The following PIWIL1 variants were observed in gnomAD, a reference collection of about 807,000 sequenced individuals.
The protein encoded by PIWIL1 is piwi like RNA-mediated gene silencing 1, also known as piwi-like protein 1.
Under a neutral mutation model 114.4 loss-of-function variants are expected in PIWIL1, and 73 were observed. That is an observed-to-expected ratio of 0.64 (90% CI 0.53 to 0.78). The LOEUF (loss-of-function observed/expected upper bound fraction) is 0.78. Among genes scored for constraint, PIWIL1 ranks in the 30% least tolerant of loss-of-function variants. The pLI, the probability that PIWIL1 is intolerant of heterozygous loss-of-function variation, is 0.00. For missense variants in PIWIL1, 723 were observed against 1,063.1 expected (o/e 0.68, Z 4.45); for synonymous variants, 375 against 369.0 (o/e 1.02, Z -0.19).
At chr12:130,399,464 G>A in the PIWIL1 span, among the ~76,000 whole-genome samples, 3 of 152,104 alleles carry the variant, frequency 2.0e-5, no homozygotes, top group Non-Finnish European at 4.4e-5. Flanking sequence ...CAGATTGATT[G>A]ATTAGAATTG....
chr12:130,390,818 C>T, the PIWIL1 span, among the ~76,000 whole-genome samples: 6 of 152,250 alleles, frequency 3.9e-5, no homozygotes, highest in East Asian at 1.9e-4. Context: ...GGGCTGTATG[C>T]GGCCCACCCA....
At chr12:130,384,532 C>T in the PIWIL1 span, among the ~76,000 whole-genome samples, 1 of 152,194 alleles carries the variant, frequency 6.6e-6, no homozygotes, top group Non-Finnish European at 1.5e-5. Flanking sequence ...GCAACAAGAA[C>T]ATGTTAATGA....
At chr12:130,392,358 C>A in the PIWIL1 span, among the ~76,000 whole-genome samples, 1 of 152,096 alleles carries the variant, frequency 6.6e-6, no homozygotes, top group Non-Finnish European at 1.5e-5. Context: ...GTTGTGATGA[C>A]CCGGTCACCG....
chr12:130,366,039 C>T (rs1231312223), intron 18 of PIWIL1, among the ~76,000 whole-genome samples: 1 of 152,200 alleles, frequency 6.6e-6, no homozygotes, highest in Non-Finnish European at 1.5e-5. Context: ...AAAACATCAG[C>T]AACATTGCCG....
At chr12:130,383,764 C>T in the PIWIL1 span, 1 of 152,198 alleles carries the variant, frequency 6.6e-6, no homozygotes, top group Admixed American at 6.5e-5. Flanking sequence ...TGTGGTGAGG[C>T]ATATTTGCTT....
intron 3 of PIWIL1, among the ~76,000 whole-genome samples, chr12:130,344,217 AAT>A (rs375277799): frequency 4.3e-4 from 65 of 152,308 alleles, no homozygotes; most frequent in African/African-American, 1.5e-3. Context: ...TTTAAGGAAA[AAT>A]ATCAGCCTTT....
At chr12:130,349,498 G>A in intron 8 of PIWIL1, 62 bp downstream of exon 8, 2 of 1,072,858 alleles carry the variant, frequency 1.9e-6, no homozygotes, top group East Asian at 2.5e-5. Context: ...TGGCTTTCTA[G>A]TTCTACCATG....
chr12:130,361,482 C>T lies in PIWIL1; in HGVS notation c.1867-16C>T. 3 of 1,613,028 alleles carry T rather than the reference C, an allele frequency of 1.9e-6. No homozygotes were observed. Among genetic ancestry groups the T allele is most frequent in the Non-Finnish European group, 2.5e-6 (3 of 1,179,106 alleles). The stretch of plus-strand genomic sequence containing the variant: ...GGTACTCCATTGTATCTAAAATTAC[C>T]ATATTTGTATTGAAGCTGAAGCTCG... On this transcript the variant is annotated splice_polypyrimidine_tract_variant and intron_variant, in intron 15 of 20. Transcript: ENST00000245255.
the PIWIL1 span, among the ~76,000 whole-genome samples, chr12:130,401,092 C>G: frequency 3.9e-5 from 6 of 152,038 alleles, no homozygotes; most frequent in Non-Finnish European, 8.8e-5. Context: ...CACTACTGAA[C>G]TATATACTTA....
chr12:130,369,226 C>G (rs2073753171), intron 19 of PIWIL1, among the ~76,000 whole-genome samples: 1 of 152,174 alleles, frequency 6.6e-6, no homozygotes, highest in South Asian at 2.1e-4. Flanking sequence ...AGAGCATGAT[C>G]TTGTTCCTTT....
At chr12:130,347,730 A>G (rs2073106119) in intron 6 of PIWIL1, among the ~76,000 whole-genome samples, 1 of 151,790 alleles carries the variant, frequency 6.6e-6, no homozygotes, top group Non-Finnish European at 1.5e-5. Flanking sequence ...AAAGGGCCAG[A>G]TAGTAAACAT....
downstream of PIWIL1, among the ~76,000 whole-genome samples, chr12:130,376,275 A>G (rs2073865507): frequency 1.3e-5 from 2 of 152,244 alleles, no homozygotes; most frequent in Admixed American, 1.3e-4. Context: ...GTTGATAATT[A>G]CCATATTAAA....
chr12:130,360,711 G>T (rs192406340), intron 14 of PIWIL1, among the ~76,000 whole-genome samples: 1 of 152,190 alleles, frequency 6.6e-6, no homozygotes, highest in Non-Finnish European at 1.5e-5. Context: ...GAGATCAGGC[G>T]CTCTGTTTTG....
chr12:130,357,344 T>C, intron 13 of PIWIL1, 137 bp from the exon 14 acceptor site: 1 of 694,110 alleles, frequency 1.4e-6, no homozygotes, highest in Admixed American at 2.8e-5. Context: ...AAACAGCCCT[T>C]GGCATGAATG....
intron 9 of PIWIL1, among the ~76,000 whole-genome samples, chr12:130,350,362 T>G (rs779606351): frequency 6.6e-6 from 1 of 152,204 alleles, no homozygotes; most frequent in Non-Finnish European, 1.5e-5. Flanking sequence ...TCTTTGAACC[T>G]TCAGTATCAT....
chr12:130,381,669 G>T, the PIWIL1 span, among the ~76,000 whole-genome samples: 1 of 152,126 alleles, frequency 6.6e-6, no homozygotes, highest in Non-Finnish European at 1.5e-5. Context: ...CAACTCCTTT[G>T]GGTAAATACC....
chr12:130,375,078 A>C (rs998583992), downstream of PIWIL1, among the ~76,000 whole-genome samples: 8 of 152,096 alleles, frequency 5.3e-5, no homozygotes, highest in East Asian at 1.5e-3. Context: ...CTTTGATCAG[A>C]TCATGTCAGC....
Position 130,349,362 on chromosome 12 carries a change from T to C in PIWIL1, c.858T>C (p.Phe286=). The C allele has an allele frequency of 3.7e-6, 6 of 1,613,838 alleles. No individual in the cohort carries two copies. The highest frequency in any genetic ancestry group is 5.1e-6 in the Non-Finnish European group (6 of 1,179,712). The change falls in exon 8 of 21, where the codon TTT becomes TTC. Residue 286 remains phenylalanine, a synonymous_variant. Transcript: ENST00000245255. The part of the protein sequence containing the change: ...SETVLDFMFN[F]YHQTEEHKFQ... ...CTGTTTTGGATTTCATGTTCAACTT[T>C]TATCATCAGACAGAAGAACATAAAT...
At chr12:130,414,518 A>G in the PIWIL1 span, 1 of 454,878 alleles carries the variant, frequency 2.2e-6, no homozygotes, top group Non-Finnish European at 3.9e-6. Context: ...GTACCTGGCC[A>G]CACTGCATGT....
Sources: allele counts gnomAD v4.1 joint callset (sites outside exome capture counted in the v4.1 genomes callset), GRCh38; gene constraint gnomAD v4.1.1; transcripts MANE v1.5; gene names NCBI Gene and HGNC (gene_info 2026-07-23, HGNC 2026-07-21).